The following ORC4 variants were observed in gnomAD, a reference collection of about 807,000 sequenced individuals.
ORC4 encodes the protein origin recognition complex, subunit 4 homolog.
ORC4 carries 55 observed loss-of-function variants against 63.9 expected under a neutral mutation model. The ratio of observed to expected loss-of-function variants is 0.86; its 90% confidence interval spans 0.69 to 1.08. ORC4 has a LOEUF of 1.08. Ranked by LOEUF, ORC4 falls within the 50% of genes least tolerant of loss-of-function variation. The pLI, the probability that ORC4 is intolerant of heterozygous loss-of-function variation, is 0.00. For synonymous variants in ORC4, 150 were observed against 168.5 expected, an observed-to-expected ratio of 0.89 and a Z score of 0.85; for missense variants, 511 against 504.4, an observed-to-expected ratio of 1.01 and a Z score of -0.13.
At position 147,977,765 on chromosome 2, in the gene ORC4, A is replaced by C. The variant is rs143962041; in HGVS notation, c.-17-1790T>G. On this transcript the variant is annotated intron_variant, in intron 1 of 13. Coordinates refer to ENST00000392857, the MANE Select transcript of ORC4 (RefSeq NM_181741.4). ...CTGTACAGTGGATGAAGATATGCAGAGAAAAGACCTGTTACCAGGTGTGTG... is the reference window on the plus strand; with the variant it reads ...CTGTACAGTGGATGAAGATATGCAGCGAAAAGACCTGTTACCAGGTGTGTG... Among the ~76,000 whole-genome samples, 422 of 152,318 alleles carry C rather than the reference A, an allele frequency of 2.8e-3. 3 individuals carry two copies. Among genetic ancestry groups the C allele is most frequent in the Non-Finnish European group, 4.6e-3 (316 of 68,026 alleles).
intron 9 of ORC4, among the ~76,000 whole-genome samples, chr2:147,946,893 T>C (rs757610659): frequency 3.3e-5 from 5 of 152,050 alleles, no homozygotes; most frequent in Non-Finnish European, 5.9e-5. Flanking sequence ...GATATAGTCT[T>C]AAGGGAAACT....
intron 8 of ORC4, 82 bp downstream of exon 8, chr2:147,952,291 T>C: frequency 9.7e-7 from 1 of 1,035,334 alleles, no homozygotes; most frequent in Non-Finnish European, 1.4e-6. Context: ...CCTAAATAAG[T>C]GAAAAAAACT....
chr2:147,954,655 T>C (rs1218617773), intron 7 of ORC4, among the ~76,000 whole-genome samples: 2 of 152,070 alleles, frequency 1.3e-5, no homozygotes, highest in Admixed American at 1.3e-4. Flanking sequence ...TCAATAAAAA[T>C]ATGAAATGAC....
intron 3 of ORC4, 52 bp downstream of exon 3, chr2:147,973,396 G>A (rs561058218): frequency 4.4e-5 from 47 of 1,078,836 alleles, no homozygotes; most frequent in Middle Eastern, 2.0e-4. Flanking sequence ...TGCAAAACCT[G>A]GAAGGCATCT....
At chr2:147,989,270 G>T (rs914646784) in intron 1 of ORC4, among the ~76,000 whole-genome samples, 4 of 152,096 alleles carry the variant, frequency 2.6e-5, no homozygotes, top group Non-Finnish European at 4.4e-5. Context: ...AGAGTGGCAG[G>T]GGGTAGGGAG....
At chr2:147,983,835 A>C (rs1691032032) in intron 1 of ORC4, among the ~76,000 whole-genome samples, 1 of 152,198 alleles carries the variant, frequency 6.6e-6, no homozygotes, top group African/African-American at 2.4e-5. Context: ...GTGTTTCAAC[A>C]TATGGGTCTT....
At chr2:147,967,635 G>A (rs927105392) in intron 4 of ORC4, among the ~76,000 whole-genome samples, 8 of 151,862 alleles carry the variant, frequency 5.3e-5, no homozygotes, top group South Asian at 2.1e-4. Flanking sequence ...AAGCACTGAA[G>A]AAAGAAATTG....
At chr2:147,940,001 G>T (rs1177639470) in intron 10 of ORC4, among the ~76,000 whole-genome samples, 1 of 152,052 alleles carries the variant, frequency 6.6e-6, no homozygotes, top group Non-Finnish European at 1.5e-5. Context: ...CAATATTTGG[G>T]ATATAATTAT....
At chr2:147,999,066 C>A (rs1430086363) in intron 1 of ORC4, among the ~76,000 whole-genome samples, 6 of 152,282 alleles carry the variant, frequency 3.9e-5, no homozygotes, top group Middle Eastern at 6.8e-3. Flanking sequence ...TCAGCTAATA[C>A]TCTAAATAAT....
In ORC4 at chr2:148,011,415, A is replaced by G. The variant is rs144806594; in HGVS notation, c.-18+9218T>C. Among the ~76,000 whole-genome samples the G allele has an allele frequency of 1.7e-3, 253 of 152,332 alleles. 2 individuals are homozygous for G. The highest frequency in any genetic ancestry group is 5.8e-3 in the African/African-American group (242 of 41,580). On this transcript the variant is annotated intron_variant, in intron 1 of 13. Transcript: ENST00000392857. ...AGATGCCAAAAAAATCTTTTTTGATAAAATTCAATATCCCTTCATAAAAAC... is the reference window on the plus strand; with the variant it reads ...AGATGCCAAAAAAATCTTTTTTGATGAAATTCAATATCCCTTCATAAAAAC...
intron 1 of ORC4, among the ~76,000 whole-genome samples, chr2:148,005,549 A>T (rs1471266812): frequency 6.6e-6 from 1 of 151,974 alleles, no homozygotes; most frequent in African/African-American, 2.4e-5. Flanking sequence ...AGAAAAATTT[A>T]AAATAGACAT....
chr2:147,950,468 G>A (rs1186856809), intron 8 of ORC4, among the ~76,000 whole-genome samples: 1 of 152,126 alleles, frequency 6.6e-6, no homozygotes, highest in African/African-American at 2.4e-5. Flanking sequence ...TGGATACACA[G>A]ATAAAATTAT....
At position 147,933,444 on chromosome 2, in the gene ORC4, C is replaced by T. The variant is rs1036045406; in HGVS notation, c.*2066G>A. On this transcript the variant is annotated 3_prime_UTR_variant, in exon 14 of 14. Transcript: ENST00000392857. ...ATAGGCGTACACTTCATTTGTGTAACTTTTCCTAATGTATTTTTTTTTAAT... is the reference window on the plus strand; with the variant it reads ...ATAGGCGTACACTTCATTTGTGTAATTTTTCCTAATGTATTTTTTTTTAAT... The T allele has an allele frequency of 6.6e-6, 1 of 152,018 alleles. No individual in the cohort carries two copies. Among genetic ancestry groups the T allele is most frequent in the Non-Finnish European group, 1.5e-5 (1 of 67,998 alleles). 9.4% of individuals were successfully genotyped at this position (152,018 alleles called of 1,614,324 possible).
chr2:147,955,134 C>G (rs903713193), intron 7 of ORC4, among the ~76,000 whole-genome samples: 3 of 151,600 alleles, frequency 2.0e-5, no homozygotes, highest in Admixed American at 2.0e-4. Context: ...ATATAAAGAT[C>G]AGTATATCAT....
chr2:148,004,409 A>G (rs1453841491), intron 1 of ORC4, among the ~76,000 whole-genome samples: 2 of 152,192 alleles, frequency 1.3e-5, no homozygotes, highest in Non-Finnish European at 2.9e-5. Context: ...TGGTACCAAA[A>G]CAGATATACA....
intron 7 of ORC4, among the ~76,000 whole-genome samples, chr2:147,953,827 A>G (rs1487901788): frequency 6.6e-6 from 1 of 152,162 alleles, no homozygotes; most frequent in African/African-American, 2.4e-5. Context: ...GATAAAAGAA[A>G]GACTTATTTC....
intron 6 of ORC4, among the ~76,000 whole-genome samples, chr2:147,956,504 G>A (rs1396547897): frequency 6.6e-6 from 1 of 152,026 alleles, no homozygotes; most frequent in African/African-American, 2.4e-5. Flanking sequence ...AACCAGAAAA[G>A]CTGTGGGTTG....
chr2:148,001,818 T>C (rs952920968), intron 1 of ORC4, among the ~76,000 whole-genome samples: 3 of 152,046 alleles, frequency 2.0e-5, no homozygotes, highest in South Asian at 2.1e-4. Context: ...GACTGGCAAA[T>C]TGGATAAAGA....
At chr2:148,008,150 A>C (rs17218854) in intron 1 of ORC4, among the ~76,000 whole-genome samples, 3,309 of 152,314 alleles carry the variant, frequency 0.022, 43 homozygotes, top group Non-Finnish European at 0.033. Flanking sequence ...AGAAAATGCT[A>C]AAGGGAAGTT....
Sources: gnomAD v4.1 joint callset for allele counts (sites outside exome capture counted in the v4.1 genomes callset) on GRCh38, gnomAD v4.1.1 for gene constraint, MANE v1.5 for transcripts, NCBI Gene and HGNC (gene_info 2026-07-23, HGNC 2026-07-21) for gene names.